Variants in MAML2 observed in about 807,000 individuals in gnomAD.
MAML2 encodes the protein mastermind like transcriptional coactivator 2.
MAML2 carries 22 observed loss-of-function variants against 96.1 expected under a neutral mutation model. The ratio of observed to expected loss-of-function variants is 0.23; its 90% CI spans 0.16 to 0.33. The LOEUF is 0.33. MAML2 is among the 10% of genes least tolerant of loss of function. The pLI is 1.00. For synonymous variants in MAML2, 561 were observed against 521.3 expected (o/e 1.08, Z -1.04); for missense variants, 1,367 against 1,392.4 (o/e 0.98, Z 0.29).
intron 1 of MAML2, among the ~76,000 whole-genome samples, chr11:96,289,914 C>A (rs1359739572): frequency 6.6e-6 from 1 of 151,818 alleles, no homozygotes; most frequent in Non-Finnish European, 1.5e-5. Context: ...TTTGAAGGGA[C>A]TGGGAATAAA....
At chr11:96,256,869 A>C (rs184377727) in intron 1 of MAML2, among the ~76,000 whole-genome samples, 33 of 152,330 alleles carry the variant, frequency 2.2e-4, no homozygotes, top group African/African-American at 7.9e-4. Flanking sequence ...AACAGAAAGA[A>C]AGGAAAAAAC....
intron 1 of MAML2, among the ~76,000 whole-genome samples, chr11:96,276,485 T>C (rs568047461): frequency 1.4e-4 from 21 of 152,276 alleles, no homozygotes; most frequent in African/African-American, 4.8e-4. Context: ...GAAAGAAAAG[T>C]CCTTGTCTGT....
At chr11:96,018,842 A>G (rs1858394588) in intron 2 of MAML2, among the ~76,000 whole-genome samples, 1 of 151,936 alleles carries the variant, frequency 6.6e-6, no homozygotes, top group African/African-American at 2.4e-5. Flanking sequence ...GCCTGCCTCC[A>G]CCTCCCAAAG....
At chr11:96,090,544 T>C (rs1859686488) in intron 2 of MAML2, among the ~76,000 whole-genome samples, 1 of 152,212 alleles carries the variant, frequency 6.6e-6, no homozygotes, top group African/African-American at 2.4e-5. Context: ...TGCCTGCATA[T>C]AGCATTAGAA....
At chr11:96,082,006 C>A (rs1011110413) in intron 2 of MAML2, among the ~76,000 whole-genome samples, 1 of 152,192 alleles carries the variant, frequency 6.6e-6, no homozygotes, top group African/African-American at 2.4e-5. Flanking sequence ...ACACCCCCAT[C>A]GCATAACTTC....
At chr11:96,181,161 C>A (rs931881500) in intron 1 of MAML2, among the ~76,000 whole-genome samples, 1 of 152,124 alleles carries the variant, frequency 6.6e-6, no homozygotes, top group Non-Finnish European at 1.5e-5. Flanking sequence ...GGCCACTGGG[C>A]GTATACGTGC....
At chr11:96,083,922 T>C (rs774196128) in intron 2 of MAML2, among the ~76,000 whole-genome samples, 2 of 152,118 alleles carry the variant, frequency 1.3e-5, no homozygotes, top group Non-Finnish European at 2.9e-5. Context: ...AGCTAATCCA[T>C]ATTAGGAGAC....
At chr11:96,213,521 G>A (rs193099968) in intron 1 of MAML2, among the ~76,000 whole-genome samples, 1 of 152,230 alleles carries the variant, frequency 6.6e-6, no homozygotes, top group Admixed American at 6.5e-5. Context: ...AGAAATCATA[G>A]CATCCCATAT....
intron 2 of MAML2, among the ~76,000 whole-genome samples, chr11:96,038,245 G>C (rs1205243114): frequency 1.3e-5 from 2 of 152,056 alleles, no homozygotes; most frequent in African/African-American, 4.8e-5. Context: ...TTTTTTGTTT[G>C]CTTGTTTGTT....
At chr11:96,033,751 A>G (rs1858655201) in intron 2 of MAML2, among the ~76,000 whole-genome samples, 1 of 151,992 alleles carries the variant, frequency 6.6e-6, no homozygotes, top group Non-Finnish European at 1.5e-5. Context: ...TAAATGTGAA[A>G]CCTTCCAGGT....
At chr11:96,052,397 A>C (rs1430929300) in intron 2 of MAML2, among the ~76,000 whole-genome samples, 1 of 152,192 alleles carries the variant, frequency 6.6e-6, no homozygotes, top group Non-Finnish European at 1.5e-5. Flanking sequence ...GACTACAGAG[A>C]AAATTTGCTA....
At chr11:96,152,246 T>C (rs1330522727) in intron 1 of MAML2, among the ~76,000 whole-genome samples, 2 of 152,210 alleles carry the variant, frequency 1.3e-5, no homozygotes, top group Non-Finnish European at 2.9e-5. Context: ...AAAGAGTAAC[T>C]GCATATTGTT....
At chr11:96,008,199 T>A (rs80300837) in intron 2 of MAML2, among the ~76,000 whole-genome samples, 2 of 118,528 alleles carry the variant, frequency 1.7e-5, no homozygotes, top group African/African-American at 6.7e-5. Context: ...ACGTGAACTT[T>A]TAACCTTTTT....
At chr11:96,299,060 A>AAT (rs1555037073) in intron 1 of MAML2, among the ~76,000 whole-genome samples, 593 of 56,324 alleles carry the variant, frequency 0.011, 28 homozygotes, top group African/African-American at 0.039. Flanking sequence ...AAAAAAAAAA[A>AAT]ATATATATAT....
chr11:96,050,784 C>T (rs1858977473), intron 2 of MAML2, among the ~76,000 whole-genome samples: 1 of 152,164 alleles, frequency 6.6e-6, no homozygotes, highest in African/African-American at 2.4e-5. Flanking sequence ...GGAGTTGTTA[C>T]AAGAGTTACT....
chr11:96,162,118 G>A (rs1466267981), intron 1 of MAML2, among the ~76,000 whole-genome samples: 2 of 151,060 alleles, frequency 1.3e-5, no homozygotes, highest in Non-Finnish European at 2.9e-5. Context: ...AAAGTTAAAG[G>A]GCATGTACAT....
At chr11:96,042,514 T>C (rs1858832068) in intron 2 of MAML2, among the ~76,000 whole-genome samples, 1 of 150,076 alleles carries the variant, frequency 6.7e-6, no homozygotes, top group South Asian at 2.1e-4. Flanking sequence ...TACGTAACCA[T>C]GTCACACTTT....
intron 1 of MAML2, among the ~76,000 whole-genome samples, chr11:96,326,449 T>C (rs7113192): frequency 0.02 from 3,023 of 151,852 alleles, 89 homozygotes; most frequent in African/African-American, 0.07. Context: ...TGGAGTCCAA[T>C]TGCATGCCCT....
intron 1 of MAML2, among the ~76,000 whole-genome samples, chr11:96,286,880 C>T (rs551693736): frequency 6.6e-6 from 1 of 152,268 alleles, no homozygotes; most frequent in East Asian, 1.9e-4. Flanking sequence ...GCAATTTAAA[C>T]TTATATTTAC....
Sources: gnomAD v4.1 joint callset for allele counts (sites outside exome capture counted in the v4.1 genomes callset) on GRCh38, gnomAD v4.1.1 for gene constraint, MANE v1.5 for transcripts, NCBI Gene and HGNC (gene_info 2026-07-23, HGNC 2026-07-21) for gene names.